The following GPAT3 variants were observed in gnomAD, a reference collection of about 807,000 sequenced individuals.
GPAT3 encodes 1-AGP acyltransferase 9.
In GPAT3, 53 loss-of-function variants were observed where a neutral mutation model predicts 58.8. The observed-to-expected ratio is 0.90, with a 90% CI of 0.72 to 1.13. The LOEUF (loss-of-function observed/expected upper bound fraction) is 1.13, where lower values mean the gene tolerates loss of function less well. Ranked by LOEUF, GPAT3 falls within the 50% of genes most tolerant of loss-of-function variation. The pLI, the probability that GPAT3 is intolerant of heterozygous loss-of-function variation, is 0.00. For missense variants in GPAT3, 511 were observed against 527.6 expected (o/e 0.97, Z 0.31); for synonymous variants, 197 against 187.4 (o/e 1.05, Z -0.42).
intron 2 of GPAT3, among the ~76,000 whole-genome samples, chr4:83,552,900 A>T (rs1189742039): frequency 6.6e-6 from 1 of 152,138 alleles, no homozygotes; most frequent in Non-Finnish European, 1.5e-5. Flanking sequence ...TACGGGCCCC[A>T]GGGAGTTGTC....
Position 83,598,687 on chromosome 4 carries a change from C to A in GPAT3, c.1169C>A (p.Ala390Asp). The A allele has an allele frequency of 4.0e-6, 6 of 1,506,408 alleles. No individual in the cohort carries two copies. Among genetic ancestry groups the A allele is most frequent in the Non-Finnish European group, 5.4e-6 (6 of 1,121,344 alleles). The allele number at this position is 1,506,408 out of a possible 1,614,324, so 93.3% of individuals were successfully genotyped here. A position where few individuals can be genotyped will look rare whatever the true frequency, so the allele number is the denominator to read the frequency against. ...AVQFANRVKS[A>D]IAIQGGLTEL... ...CAGTTTGCTAACAGGGTTAAGTCTG[C>A]TATTGCTATACAAGGAGGCCTGACT... Residue 390 changes from alanine to aspartate, a missense_variant, in exon 11 of 12, where the codon GCT becomes GAT. Coordinates refer to ENST00000264409, the MANE Select transcript of GPAT3 (RefSeq NM_032717.5).
intron 2 of GPAT3, among the ~76,000 whole-genome samples, chr4:83,571,689 T>TATATATATACACACACAC (rs1725610179): frequency 9.7e-6 from 1 of 102,592 alleles, no homozygotes; most frequent in Admixed American, 1.1e-4. Flanking sequence ...TATGTGTATA[T>TATATATATACACACACAC]ATATATATAC....
chr4:83,580,814 C>T (rs941519757), intron 2 of GPAT3, among the ~76,000 whole-genome samples: 8 of 152,046 alleles, frequency 5.3e-5, no homozygotes, highest in East Asian at 1.9e-4. Flanking sequence ...ATTAAAAAAT[C>T]GGCCGGGCGT....
rs1726459698 is a variant in GPAT3, at chr4:83,588,230, A to T, written c.575A>T (p.Glu192Val). ...TTCAGCCTCAAAAACTGGCTGAGTG[A>T]ACTGGTCCATCTGACTTGCTGCCGG... ...PDSSLKNWLS[E>V]LVHLTCCRIC... Residue 192 changes from glutamate to valine, a missense_variant, in exon 5 of 12, where the codon GAA (glutamate) becomes GTA (valine). Coordinates refer to ENST00000264409, the MANE Select transcript of GPAT3 (RefSeq NM_032717.5). 1 of 1,614,050 alleles carries T rather than the reference A, an allele frequency of 6.2e-7. No homozygotes were observed. Among genetic ancestry groups the T allele is most frequent in the Admixed American group, 1.7e-5 (1 of 60,012 alleles).
intron 2 of GPAT3, among the ~76,000 whole-genome samples, chr4:83,558,716 G>A (rs1235312046): frequency 6.6e-6 from 1 of 152,166 alleles, no homozygotes; most frequent in Non-Finnish European, 1.5e-5. Context: ...AAGCAAGATT[G>A]GGTTCTGGAG....
chr4:83,552,735 T>A (rs1054667310), intron 2 of GPAT3, among the ~76,000 whole-genome samples: 1 of 152,236 alleles, frequency 6.6e-6, no homozygotes, highest in Non-Finnish European at 1.5e-5. Flanking sequence ...AACTGTGCTT[T>A]ATGGACTGAA....
chr4:83,592,482 C>A (rs139679473), intron 6 of GPAT3, among the ~76,000 whole-genome samples: 172 of 152,272 alleles, frequency 1.1e-3, no homozygotes, highest in Non-Finnish European at 1.9e-3. Context: ...AAGAAATCTA[C>A]TGTTTAATTG....
chr4:83,544,473 G>A, intron 1 of GPAT3, 63 bp from the exon 2 acceptor site: 1 of 1,496,138 alleles, frequency 6.7e-7, no homozygotes, highest in Admixed American at 1.7e-5. Flanking sequence ...TATAATCATG[G>A]TTGAAGTGTT....
At chr4:83,584,678 G>A (rs1397088236) in intron 3 of GPAT3, among the ~76,000 whole-genome samples, 1 of 152,148 alleles carries the variant, frequency 6.6e-6, no homozygotes, top group Non-Finnish European at 1.5e-5. Flanking sequence ...GCTAATTTTT[G>A]TATTTTTAAT....
intron 3 of GPAT3, among the ~76,000 whole-genome samples, chr4:83,585,609 C>G (rs1009555545): frequency 6.8e-6 from 1 of 146,622 alleles, no homozygotes; most frequent in African/African-American, 2.4e-5. Flanking sequence ...GCCTTTTACG[C>G]TGTTTCTTTT....
chr4:83,556,421 C>T (rs189084076), intron 2 of GPAT3, among the ~76,000 whole-genome samples: 8 of 152,006 alleles, frequency 5.3e-5, no homozygotes, highest in Non-Finnish European at 1.0e-4. Context: ...TCACTTCAAT[C>T]CAGGAGGTGG....
At chr4:83,597,903 C>CT (rs934752811) in intron 9 of GPAT3, 148 bp from the exon 10 acceptor site, 506 of 874,018 alleles carry the variant, frequency 5.8e-4, no homozygotes, top group East Asian at 1.5e-3. Flanking sequence ...GCCCAGTTTA[C>CT]TTTTTTTTTG....
chr4:83,595,491 G>A (rs1726787519), intron 7 of GPAT3, among the ~76,000 whole-genome samples: 1 of 152,178 alleles, frequency 6.6e-6, no homozygotes, highest in Non-Finnish European at 1.5e-5. Context: ...GGAGGCCAAG[G>A]TAGGAGAATG....
At chr4:83,596,797 A>G in intron 7 of GPAT3, 61 bp from the exon 8 acceptor site, 1 of 1,344,394 alleles carries the variant, frequency 7.4e-7, no homozygotes, top group South Asian at 1.2e-5. Context: ...AAGGAATATC[A>G]AAAAGGACAT....
rs538521362 is a variant in GPAT3, at chr4:83,536,346, C to A, written c.-277C>A. ...ACCCGCAGCTCCGACCACTGGCTCG[C>A]GCTACCCAGGTCTCCGCACGCCGCG... On this transcript the variant is annotated 5_prime_UTR_variant, in exon 1 of 12. Coordinates refer to ENST00000264409, the MANE Select transcript of GPAT3 (RefSeq NM_032717.5). 2.1e-5 allele frequency: 25 copies of A among 1,176,488 alleles called. No homozygotes were observed. Among genetic ancestry groups the A allele is most frequent in the Admixed American group, 4.6e-5 (1 of 21,626 alleles). 72.9% of individuals were successfully genotyped at this position (1,176,488 alleles called of 1,614,324 possible).
intron 8 of GPAT3, 40 bp downstream of exon 8, chr4:83,596,953 A>G (rs772107228): frequency 6.4e-7 from 1 of 1,553,214 alleles, no homozygotes; most frequent in East Asian, 2.3e-5. Context: ...GTTGATAACA[A>G]CAAACCATCA....
In GPAT3 at chr4:83,601,845, C is replaced by T. The variant is rs139364742; in HGVS notation, c.1206-2823C>T. Among the ~76,000 whole-genome samples, 1,140 of 152,260 alleles carry T rather than the reference C, an allele frequency of 7.5e-3. 8 individuals carry two copies. The highest frequency in any genetic ancestry group is 9.3e-3 in the Non-Finnish European group (633 of 68,024). ...GCAATAAAGATAAAGATAGCTGAAG[C>T]CATTAGTGGCATCTCTGAAAGGCGG... On this transcript the variant is annotated intron_variant, in intron 11 of 11. Coordinates refer to ENST00000264409, the MANE Select transcript of GPAT3 (RefSeq NM_032717.5).
At chr4:83,595,214 C>T (rs986683445) in intron 7 of GPAT3, 4 of 265,348 alleles carry the variant, frequency 1.5e-5, no homozygotes, top group African/African-American at 8.9e-5. Flanking sequence ...ATAGTCCAGT[C>T]ACTGAATTTT....
intron 2 of GPAT3, among the ~76,000 whole-genome samples, chr4:83,574,624 A>ATTTTTTTTTTTTTTTTTTTT (rs561972057): frequency 7.2e-5 from 4 of 55,590 alleles, no homozygotes; most frequent in Non-Finnish European, 1.0e-4. Flanking sequence ...AGTAAAATGA[A>ATTTTTTTTTTTTTTTTTTTT]TTTTTTTTTT....
Sources: allele counts gnomAD v4.1 joint callset (sites outside exome capture counted in the v4.1 genomes callset), GRCh38; gene constraint gnomAD v4.1.1; transcripts MANE v1.5; gene names NCBI Gene and HGNC (gene_info 2026-07-23, HGNC 2026-07-21).